PDS5B: variants seen among roughly 807,000 people sequenced by gnomAD.
The protein encoded by PDS5B is PDS5 cohesin associated factor B.
PDS5B carries 51 observed loss-of-function variants against 184.1 expected under a neutral mutation model. The observed-to-expected ratio is 0.28, with a 90% CI of 0.22 to 0.35. The LOEUF is 0.35. PDS5B is among the 10% of genes least tolerant of loss of function. The pLI is 1.00. For synonymous variants in PDS5B, 566 were observed against 569.2 expected (o/e 0.99, Z 0.08); for missense variants, 1,180 against 1,723.3 (o/e 0.68, Z 5.58).
intron 19 of PDS5B, among the ~76,000 whole-genome samples, chr13:32,729,172 C>T (rs1213149174): frequency 6.6e-6 from 1 of 152,112 alleles, no homozygotes; most frequent in African/African-American, 2.4e-5. Flanking sequence ...GTTCAACTTC[C>T]ACTTATGAGT....
chr13:32,599,364 A>G (rs985966367), intron 1 of PDS5B, among the ~76,000 whole-genome samples: 1 of 151,454 alleles, frequency 6.6e-6, no homozygotes, highest in Admixed American at 6.6e-5. Context: ...CCTGGATTCA[A>G]GCAATTCTCC....
intron 6 of PDS5B, among the ~76,000 whole-genome samples, chr13:32,665,226 A>G (rs1231513685): frequency 3.9e-5 from 6 of 152,234 alleles, no homozygotes; most frequent in South Asian, 4.1e-4. Flanking sequence ...TAGACCATAC[A>G]TAAGAATAAA....
At chr13:32,663,346 T>C (rs1278123595) in intron 6 of PDS5B, among the ~76,000 whole-genome samples, 1 of 150,406 alleles carries the variant, frequency 6.6e-6, no homozygotes, top group Non-Finnish European at 1.5e-5. Flanking sequence ...AAAAAAAGGC[T>C]AATTGATTCC....
At chr13:32,606,248 G>T (rs2058058210) in intron 1 of PDS5B, among the ~76,000 whole-genome samples, 1 of 152,188 alleles carries the variant, frequency 6.6e-6, no homozygotes, top group Non-Finnish European at 1.5e-5. Context: ...AGGAGCTCTT[G>T]TACGGCAGGC....
intron 1 of PDS5B, among the ~76,000 whole-genome samples, chr13:32,637,035 G>A (rs939400551): frequency 1.1e-4 from 16 of 152,198 alleles, no homozygotes; most frequent in Non-Finnish European, 2.1e-4. Flanking sequence ...TGTGACTGGA[G>A]TGTAATGAGC....
chr13:32,717,720 TAAA>T (rs1220035606), intron 19 of PDS5B, among the ~76,000 whole-genome samples: 64 of 126,676 alleles, frequency 5.1e-4, no homozygotes, highest in African/African-American at 1.5e-3. Flanking sequence ...ATCAATAAAT[TAAA>T]AAAAAAAAAA....
intron 2 of PDS5B, 51 bp downstream of exon 2, chr13:32,648,931 G>T (rs749843718): frequency 2.2e-5 from 19 of 851,768 alleles, no homozygotes; most frequent in Non-Finnish European, 3.3e-5. Flanking sequence ...GAGGTCCCCT[G>T]TGGAAATCAC....
At chr13:32,744,622 A>G (rs1953680776) in intron 23 of PDS5B, among the ~76,000 whole-genome samples, 1 of 152,206 alleles carries the variant, frequency 6.6e-6, no homozygotes, top group African/African-American at 2.4e-5. Flanking sequence ...TAGATAACAC[A>G]GGAAGCATCT....
chr13:32,627,146 A>C lies in PDS5B; in HGVS notation c.-19-21608A>C, dbSNP rs574494518. Reference sequence around the variant, plus strand: ...CTGATAAGCTTACCTGGTGTCTGACAGATCTTGAGAATAGCTGTATTTTCC... The same window carrying C: ...CTGATAAGCTTACCTGGTGTCTGACCGATCTTGAGAATAGCTGTATTTTCC... On this transcript the variant is annotated intron_variant, in intron 1 of 34. Coordinates refer to ENST00000315596, the MANE Select transcript of PDS5B (RefSeq NM_015032.4). Among the ~76,000 whole-genome samples, 223 of 152,350 alleles carry C rather than the reference A, an allele frequency of 1.5e-3. 1 individual carries two copies. Among genetic ancestry groups the C allele is most frequent in the Middle Eastern group, 0.01 (3 of 294 alleles).
intron 6 of PDS5B, among the ~76,000 whole-genome samples, chr13:32,660,240 G>A (rs1250394496): frequency 6.6e-6 from 1 of 152,184 alleles, no homozygotes; most frequent in Non-Finnish European, 1.5e-5. Flanking sequence ...AAGCTGGCAA[G>A]TAGACCTGCA....
intron 1 of PDS5B, among the ~76,000 whole-genome samples, chr13:32,623,245 A>T (rs976508385): frequency 1.1e-4 from 16 of 152,200 alleles, no homozygotes; most frequent in Admixed American, 6.5e-4. Context: ...TAGTGATGTT[A>T]TCTATAAGAG....
At chr13:32,758,698 T>C in intron 28 of PDS5B, 45 bp downstream of exon 28, 1 of 1,582,930 alleles carries the variant, frequency 6.3e-7, no homozygotes, top group Middle Eastern at 1.7e-4. Flanking sequence ...ATAAAATGTA[T>C]TCTCAGCACT....
chr13:32,731,716 G>C (rs1017806825), intron 19 of PDS5B, among the ~76,000 whole-genome samples: 2 of 152,114 alleles, frequency 1.3e-5, no homozygotes, highest in Non-Finnish European at 2.9e-5. Flanking sequence ...TGAATTGGAA[G>C]AGGCAGAGAC....
At chr13:32,600,069 G>T (rs1429949844) in intron 1 of PDS5B, among the ~76,000 whole-genome samples, 1 of 152,046 alleles carries the variant, frequency 6.6e-6, no homozygotes, top group Non-Finnish European at 1.5e-5. Flanking sequence ...TATCTAATGT[G>T]CAGTGAAGCC....
chr13:32,641,715 A>G (rs1950095510), intron 1 of PDS5B, among the ~76,000 whole-genome samples: 4 of 152,166 alleles, frequency 2.6e-5, no homozygotes, highest in Non-Finnish European at 1.5e-5. Flanking sequence ...TAGTGTTGGT[A>G]TCTCAGCTCA....
chr13:32,721,438 C>T (rs1322787633), intron 19 of PDS5B, among the ~76,000 whole-genome samples: 2 of 151,990 alleles, frequency 1.3e-5, no homozygotes, highest in African/African-American at 4.8e-5. Flanking sequence ...GGGCTCCTCA[C>T]TTCTCAGATG....
At chr13:32,609,706 G>A (rs903906431) in intron 1 of PDS5B, among the ~76,000 whole-genome samples, 5 of 152,120 alleles carry the variant, frequency 3.3e-5, no homozygotes, top group Non-Finnish European at 7.4e-5. Context: ...GTTTCCCCTT[G>A]ATAGTGAGAT....
chr13:32,682,372 A>G (rs1234003185), intron 10 of PDS5B, among the ~76,000 whole-genome samples: 1 of 152,170 alleles, frequency 6.6e-6, no homozygotes, highest in African/African-American at 2.4e-5. Context: ...TATATGTTGA[A>G]TCATACAATG....
In PDS5B at chr13:32,755,815, TG is replaced by T. The variant is rs200666005; in HGVS notation, c.2942-26del. The T allele has an allele frequency of 2.9e-3, 2,863 of 995,880 alleles. 9 individuals are homozygous for T. The highest frequency in any genetic ancestry group is 0.01 in the East Asian group (350 of 33,362). The allele number at this position is 995,880 out of a possible 1,614,324, so 61.7% of individuals were successfully genotyped here. ...TTTTGCTTTTTCTTTTGTTTTTTTT[TG>T]TTTGTTTGTTTGTTTTCTTTTTCAG... On this transcript the variant is annotated intron_variant, in intron 25 of 34. Transcript: ENST00000315596.
Sources: gnomAD v4.1 joint callset for allele counts (sites outside exome capture counted in the v4.1 genomes callset) on GRCh38, gnomAD v4.1.1 for gene constraint, MANE v1.5 for transcripts, NCBI Gene and HGNC (gene_info 2026-07-23, HGNC 2026-07-21) for gene names.